Variants in NLGN4X observed in about 807,000 individuals in gnomAD.
NLGN4X encodes neuroligin-4, X-linked.
NLGN4X carries 3 observed loss-of-function variants against 40.3 expected under a neutral mutation model. The observed-to-expected ratio is 0.07, with a 90% CI of 0.03 to 0.19. The LOEUF is 0.19. Ranked by LOEUF, NLGN4X falls within the 10% of genes least tolerant of loss-of-function variation. The pLI is 1.00. For missense variants in NLGN4X, 382 were observed against 708.3 expected (o/e 0.54, Z 5.23); for synonymous variants, 270 against 306.8 (o/e 0.88, Z 1.25).
chrX:5,957,913 G>C (rs760993496), intron 3 of NLGN4X, among the ~76,000 whole-genome samples: 1 of 112,216 alleles, frequency 8.9e-6, no homozygotes, highest in African/African-American at 3.2e-5. Flanking sequence ...TTTCCCTATT[G>C]TGTAGGAAAG....
At chrX:6,182,734 A>T (rs1406164386) in intron 1 of NLGN4X, among the ~76,000 whole-genome samples, 1 of 111,696 alleles carries the variant, frequency 9.0e-6, no homozygotes, top group Non-Finnish European at 1.9e-5. Context: ...CTGCCACAAC[A>T]GCTAAGGAAC....
chrX:5,960,522 CA>C (rs1334875056), intron 3 of NLGN4X, among the ~76,000 whole-genome samples: 1 of 111,383 alleles, frequency 9.0e-6, no homozygotes, highest in Non-Finnish European at 1.9e-5. Context: ...TGCAGGAAAG[CA>C]AAAAAAGTGC....
At chrX:6,075,512 G>A (rs954313285) in intron 2 of NLGN4X, among the ~76,000 whole-genome samples, 1 of 111,993 alleles carries the variant, frequency 8.9e-6, no homozygotes, top group Non-Finnish European at 1.9e-5. Context: ...TAGTTTGGAT[G>A]TTTGTCCTCT....
At chrX:5,930,478 G>A (rs1411912053) in intron 3 of NLGN4X, among the ~76,000 whole-genome samples, 2 of 112,003 alleles carry the variant, frequency 1.8e-5, no homozygotes, top group African/African-American at 6.5e-5. Context: ...CAAGCCCTTG[G>A]TGTCATTCTT....
rs145307351 is a variant in NLGN4X, at chrX:6,151,075, T to C, written c.392A>G (p.Asn131Ser). ...HDMLPIWFTA[N>S]LDTLMTYVQD... ...AACATAGGTCATCAAAGTATCCAAA[T>C]TGGCGGTAAACCAGATGGGCAGCAT... The change falls in exon 2 of 6, where the codon AAT (asparagine) becomes AGT (serine). Residue 131 changes from asparagine to serine, a missense_variant. This residue lies in a region of NLGN4X where 115 missense variants were observed against 149.6 expected (regional missense o/e 0.77). Coordinates refer to ENST00000381095, the MANE Select transcript of NLGN4X (RefSeq NM_181332.3). 4.6e-4 allele frequency: 553 copies of C among 1,210,265 alleles called. No individual in the cohort carries two copies. The highest frequency in any genetic ancestry group is 5.4e-4 in the Non-Finnish European group (480 of 895,303).
At chrX:5,921,128 A>ATT (rs200882477) in intron 3 of NLGN4X, among the ~76,000 whole-genome samples, 4 of 68,857 alleles carry the variant, frequency 5.8e-5, no homozygotes, top group African/African-American at 3.0e-4. Context: ...TATGGTAAGT[A>ATT]TTTTTTATAT....
At chrX:6,102,773 T>C (rs751438850) in intron 2 of NLGN4X, among the ~76,000 whole-genome samples, 1 of 110,674 alleles carries the variant, frequency 9.0e-6, no homozygotes, top group Non-Finnish European at 1.9e-5. Context: ...CATACATACA[T>C]AGATACATAG....
intron 1 of NLGN4X, among the ~76,000 whole-genome samples, chrX:6,167,981 G>T (rs2040531882): frequency 8.9e-6 from 1 of 111,888 alleles, no homozygotes; most frequent in African/African-American, 3.2e-5. Flanking sequence ...GATTTTTAAA[G>T]GTGGATCTTT....
At chrX:5,931,805 C>T (rs1341037564) in intron 3 of NLGN4X, among the ~76,000 whole-genome samples, 1 of 111,437 alleles carries the variant, frequency 9.0e-6, no homozygotes, top group Non-Finnish European at 1.9e-5. Flanking sequence ...TATAAGCCAT[C>T]CCGAGGAGAT....
chrX:5,997,601 CATATATATATACACATATAT>C (rs2035860833), intron 3 of NLGN4X, among the ~76,000 whole-genome samples: 1 of 90,811 alleles, frequency 1.1e-5, no homozygotes, highest in African/African-American at 4.3e-5. Flanking sequence ...TATATATACA[CATATATATATACACATATAT>C]ATATATATAT....
intron 3 of NLGN4X, among the ~76,000 whole-genome samples, chrX:6,020,246 A>G (rs774799580): frequency 1.0e-3 from 115 of 112,130 alleles, no homozygotes; most frequent in Non-Finnish European, 1.8e-3. Flanking sequence ...GTTTATACAC[A>G]CAAGGGACTA....
At chrX:6,106,106 A>G (rs1052950079) in intron 2 of NLGN4X, among the ~76,000 whole-genome samples, 46 of 112,024 alleles carry the variant, frequency 4.1e-4, no homozygotes, top group African/African-American at 1.5e-3. Context: ...AAACTCATTA[A>G]TATTCCTGCA....
intron 1 of NLGN4X, among the ~76,000 whole-genome samples, chrX:6,173,225 C>T (rs1305852211): frequency 8.9e-6 from 1 of 112,272 alleles, no homozygotes; most frequent in Non-Finnish European, 1.9e-5. Context: ...CTCAACTGAC[C>T]TAAGAGTTTT....
At chrX:5,924,792 G>A (rs1168047477) in intron 3 of NLGN4X, among the ~76,000 whole-genome samples, 1 of 110,609 alleles carries the variant, frequency 9.0e-6, no homozygotes, top group Non-Finnish European at 1.9e-5. Context: ...TTCATAAGTG[G>A]GAGCTGAGCT....
chrX:6,189,374 T>C (rs1922346657), intron 1 of NLGN4X, among the ~76,000 whole-genome samples: 1 of 111,730 alleles, frequency 9.0e-6, no homozygotes, highest in African/African-American at 3.3e-5. Context: ...CAAAGACCAC[T>C]CCAAATTATC....
intron 1 of NLGN4X, among the ~76,000 whole-genome samples, chrX:6,195,765 C>T (rs553168325): frequency 1.1e-4 from 12 of 110,787 alleles, no homozygotes; most frequent in South Asian, 3.8e-4. Context: ...TTTTGTGATA[C>T]GGTAAAAATT....
In NLGN4X at chrX:5,934,470, G is replaced by C. The variant is rs556099616; in HGVS notation, c.626-25231C>G. 6.3e-5 allele frequency among the ~76,000 whole-genome samples: 7 copies of C among 111,859 alleles called. No homozygotes were observed. In the Middle Eastern group the frequency reaches 0.014, roughly 220 times the overall value. On this transcript the variant is annotated intron_variant, in intron 3 of 5. Transcript: ENST00000381095. ...AAGACTCGAATGATCAATATGACAG[G>C]AATTCACCCTATGAATCTAATGTGG...
At chrX:5,911,011 T>C (rs780052670) in intron 3 of NLGN4X, among the ~76,000 whole-genome samples, 1 of 111,693 alleles carries the variant, frequency 9.0e-6, no homozygotes, top group African/African-American at 3.2e-5. Context: ...CTGCAACACC[T>C]GTCTCCATCA....
At chrX:5,953,445 A>G (rs1250644871) in intron 3 of NLGN4X, among the ~76,000 whole-genome samples, 1 of 111,892 alleles carries the variant, frequency 8.9e-6, no homozygotes, top group Admixed American at 9.5e-5. Context: ...TGTATATTTT[A>G]AAATAACTAA....
Sources: allele counts gnomAD v4.1 joint callset (sites outside exome capture counted in the v4.1 genomes callset), GRCh38; gene constraint gnomAD v4.1.1; regional missense constraint gnomAD v4.1.1; transcripts MANE v1.5; gene names NCBI Gene and HGNC (gene_info 2026-07-23, HGNC 2026-07-21).